Variants in NRP1 observed in about 807,000 individuals in gnomAD.
NRP1 encodes neuropilin 1.
Under a neutral mutation model 106.7 loss-of-function variants are expected in NRP1, and 35 were observed. That is an observed-to-expected ratio of 0.33 (90% confidence interval 0.25 to 0.43). The LOEUF (loss-of-function observed/expected upper bound fraction) is 0.43. NRP1 is among the 20% of genes least tolerant of loss of function. The pLI is 1.00. For synonymous variants in NRP1, 437 were observed against 417.9 expected (o/e 1.05, Z -0.56); for missense variants, 1,024 against 1,170.4 (o/e 0.87, Z 1.83).
intron 10 of NRP1, among the ~76,000 whole-genome samples, chr10:33,205,036 GTTGT>G (rs990881944): frequency 1.6e-4 from 25 of 152,148 alleles, no homozygotes; most frequent in Non-Finnish European, 2.9e-4. Flanking sequence ...CCGGCCTGTG[GTTGT>G]TTATTTCTTA....
At chr10:33,305,789 G>C (rs1167049701) in intron 2 of NRP1, among the ~76,000 whole-genome samples, 1 of 150,452 alleles carries the variant, frequency 6.6e-6, no homozygotes, top group Non-Finnish European at 1.5e-5. Context: ...TTTTCTTTGA[G>C]ATAGAGTCTC....
At chr10:33,226,436 C>T in intron 6 of NRP1, 147 bp from the exon 7 acceptor site, 2 of 729,114 alleles carry the variant, frequency 2.7e-6, no homozygotes, top group East Asian at 5.4e-5. Context: ...GTCCCTGACT[C>T]CTCCCTTCCA....
intron 10 of NRP1, chr10:33,205,861 A>T (rs916845873): frequency 1.1e-5 from 2 of 181,362 alleles, no homozygotes; most frequent in African/African-American, 4.7e-5. Context: ...ATAATTTCCA[A>T]TTTTGTGGCT....
At chr10:33,247,844 G>C (rs753717961) in intron 6 of NRP1, among the ~76,000 whole-genome samples, 1 of 152,182 alleles carries the variant, frequency 6.6e-6, no homozygotes, top group African/African-American at 2.4e-5. Context: ...GTGTAAGACC[G>C]TGATTTCTCA....
At chr10:33,203,394 T>A (rs1488044759) in intron 10 of NRP1, among the ~76,000 whole-genome samples, 8 of 152,234 alleles carry the variant, frequency 5.3e-5, no homozygotes, top group African/African-American at 1.7e-4. Context: ...CACTCACTTG[T>A]CATAAATTCT....
intron 2 of NRP1, among the ~76,000 whole-genome samples, chr10:33,272,045 T>C (rs982560541): frequency 6.6e-6 from 1 of 152,218 alleles, no homozygotes; most frequent in African/African-American, 2.4e-5. Context: ...AAACTGTATC[T>C]GGCAATTTAA....
chr10:33,213,089 T>C, intron 9 of NRP1: 1 of 688,350 alleles, frequency 1.5e-6, no homozygotes. Context: ...GCTGGCTGGA[T>C]GGCTGCTGTC....
At chr10:33,297,980 T>C (rs1845536061) in intron 2 of NRP1, among the ~76,000 whole-genome samples, 1 of 152,152 alleles carries the variant, frequency 6.6e-6, no homozygotes, top group Non-Finnish European at 1.5e-5. Flanking sequence ...TTCCTGTTGA[T>C]ACTATACTCA....
At chr10:33,328,277 T>A (rs993585445) in intron 2 of NRP1, among the ~76,000 whole-genome samples, 1 of 149,014 alleles carries the variant, frequency 6.7e-6, no homozygotes, top group Non-Finnish European at 1.5e-5. Flanking sequence ...GACAAATCAT[T>A]ATTTAAGGTT....
At chr10:33,263,221 C>T (rs1842692261) in intron 4 of NRP1, among the ~76,000 whole-genome samples, 1 of 152,200 alleles carries the variant, frequency 6.6e-6, no homozygotes, top group Non-Finnish European at 1.5e-5. Flanking sequence ...CTCAACCTCT[C>T]AGGTCCTTGG....
At chr10:33,204,818 G>A (rs1240243376) in intron 10 of NRP1, among the ~76,000 whole-genome samples, 5 of 151,774 alleles carry the variant, frequency 3.3e-5, no homozygotes, top group South Asian at 2.1e-4. Context: ...TGCAACCTCC[G>A]CCTCCCTGAT....
chr10:33,187,537 C>A lies in NRP1; in HGVS notation c.2063-1049G>T, dbSNP rs77709474. Among the ~76,000 whole-genome samples, 448 of 152,228 alleles carry A rather than the reference C, an allele frequency of 2.9e-3. 3 individuals carry two copies. The highest frequency in any genetic ancestry group is 0.01 in the African/African-American group (434 of 41,546). On this transcript the variant is annotated intron_variant, in intron 13 of 16. Transcript: ENST00000374867. ...GTTGCCTTGTTGAGGTTCATTAGAA[C>A]GTGCCATTTTGGCAACTTAGACACT... is the stretch of plus-strand genomic sequence containing the variant.
intron 2 of NRP1, among the ~76,000 whole-genome samples, chr10:33,271,541 T>C (rs1843312141): frequency 6.6e-6 from 1 of 152,244 alleles, no homozygotes. Context: ...CCCACTAGTC[T>C]GAATATTTAA....
chr10:33,305,209 A>G (rs966079424), intron 2 of NRP1, among the ~76,000 whole-genome samples: 2 of 152,216 alleles, frequency 1.3e-5, no homozygotes, highest in Admixed American at 6.5e-5. Flanking sequence ...AACATATATA[A>G]TCTACAAAAA....
intron 4 of NRP1, among the ~76,000 whole-genome samples, chr10:33,262,703 CA>C (rs3035285): frequency 0.064 from 6,458 of 100,752 alleles, 242 homozygotes; most frequent in African/African-American, 0.15. Flanking sequence ...AACTCTGTCT[CA>C]AAAAAAAAAA....
chr10:33,323,410 T>C (rs1847663075), intron 2 of NRP1, among the ~76,000 whole-genome samples: 1 of 152,082 alleles, frequency 6.6e-6, no homozygotes, highest in African/African-American at 2.4e-5. Flanking sequence ...TTGAACTCTA[T>C]AAAGGAATTG....
chr10:33,177,553 T>C lies in NRP1; in HGVS notation c.*2523A>G, dbSNP rs890125690. ...TCTTTGGAATGTAGTAGTCATAGTT[T>C]GGAATTTAAGTTACAGTTCAGTTCT... On this transcript the variant is annotated 3_prime_UTR_variant, in exon 17 of 17. Transcript: ENST00000374867. 1 of 152,680 alleles carries C rather than the reference T, an allele frequency of 6.5e-6. No individual in the cohort carries two copies. Among genetic ancestry groups the C allele is most frequent in the Non-Finnish European group, 1.5e-5 (1 of 68,040 alleles). 9.5% of individuals were successfully genotyped at this position (152,680 alleles called of 1,614,324 possible).
chr10:33,287,393 G>A (rs899043392), intron 2 of NRP1, among the ~76,000 whole-genome samples: 2 of 152,184 alleles, frequency 1.3e-5, no homozygotes, highest in Admixed American at 1.3e-4. Context: ...CTACTCTCAT[G>A]ATGCTCTGCA....
At chr10:33,262,717 A>T (rs1842658557) in intron 4 of NRP1, among the ~76,000 whole-genome samples, 1 of 151,430 alleles carries the variant, frequency 6.6e-6, no homozygotes, top group Non-Finnish European at 1.5e-5. Context: ...AAAAAAAAAA[A>T]AAAAAGTCTA....
Sources: gnomAD v4.1 joint callset for allele counts (sites outside exome capture counted in the v4.1 genomes callset) on GRCh38, gnomAD v4.1.1 for gene constraint, MANE v1.5 for transcripts, NCBI Gene and HGNC (gene_info 2026-07-23, HGNC 2026-07-21) for gene names.